Variants in ME3 observed in about 807,000 individuals in gnomAD.
ME3 encodes malic enzyme 3.
Under a neutral mutation model 68.9 loss-of-function variants are expected in ME3, and 48 were observed. That is an observed-to-expected ratio of 0.70 (90% confidence interval 0.55 to 0.89). The LOEUF is 0.89. Among genes scored for constraint, ME3 ranks in the 40% least tolerant of loss-of-function variants. ME3 has a pLI of 0.00. For synonymous variants in ME3, 320 were observed against 318.8 expected, an observed-to-expected ratio of 1.00 and a Z score of -0.04; for missense variants, 675 against 797.4, an observed-to-expected ratio of 0.85 and a Z score of 1.85.
chr11:86,481,082 C>T (rs1030927747), intron 7 of ME3, among the ~76,000 whole-genome samples: 8 of 152,082 alleles, frequency 5.3e-5, no homozygotes, highest in African/African-American at 1.9e-4. Flanking sequence ...CATTCTGTTG[C>T]CTAGGCTGGA....
At chr11:86,666,380 A>G (rs1220441971) in intron 2 of ME3, among the ~76,000 whole-genome samples, 1 of 152,208 alleles carries the variant, frequency 6.6e-6, no homozygotes, top group African/African-American at 2.4e-5. Context: ...CAAACCACAC[A>G]TCAACTCATG....
intron 4 of ME3, among the ~76,000 whole-genome samples, chr11:86,551,147 G>A (rs1956659164): frequency 1.3e-5 from 2 of 152,154 alleles, no homozygotes; most frequent in Admixed American, 6.5e-5. Flanking sequence ...GGGTGAGAGG[G>A]AAGAAGAGAT....
intron 6 of ME3, 123 bp downstream of exon 6, chr11:86,497,840 G>A (rs1425142370): frequency 8.6e-6 from 10 of 1,156,130 alleles, no homozygotes; most frequent in Non-Finnish European, 3.6e-6. Context: ...GCCCTGGTCG[G>A]GAGGATGCCA....
chr11:86,549,392 C>T (rs986597777), intron 4 of ME3, among the ~76,000 whole-genome samples: 2 of 152,166 alleles, frequency 1.3e-5, no homozygotes, highest in South Asian at 2.1e-4. Flanking sequence ...ACTTTCTGTT[C>T]CTTCTTAGCT....
chr11:86,624,868 G>A (rs769928977), intron 2 of ME3, among the ~76,000 whole-genome samples: 2 of 152,164 alleles, frequency 1.3e-5, no homozygotes, highest in Non-Finnish European at 2.9e-5. Flanking sequence ...TTTACTTGGA[G>A]AAGAACAGTA....
intron 10 of ME3, 35 bp downstream of exon 10, chr11:86,449,854 G>A (rs1949534411): frequency 9.9e-6 from 15 of 1,513,960 alleles, no homozygotes; most frequent in Non-Finnish European, 1.4e-5. Flanking sequence ...GCTATAAGGT[G>A]TCAGGAAACC....
In ME3 at chr11:86,442,760, C is replaced by T. The variant is rs1739945300; in HGVS notation, c.1653+61G>A. ...TCCATCCCCTTAACCCTCCTAAAGT[C>T]ACAGACAGAGAAAGTGGTTGAGCCT... On this transcript the variant is annotated intron_variant, in intron 14 of 14. Transcript: ENST00000543262. 73 of 1,408,596 alleles carry T rather than the reference C, an allele frequency of 5.2e-5. 1 individual carries two copies. The South Asian group carries it at 8.2e-4, about 16-fold the overall frequency. The allele number at this position is 1,408,596 out of a possible 1,614,324, so 87.3% of individuals were successfully genotyped here.
At chr11:86,537,703 A>C (rs1420681949) in intron 4 of ME3, among the ~76,000 whole-genome samples, 1 of 152,152 alleles carries the variant, frequency 6.6e-6, no homozygotes, top group Non-Finnish European at 1.5e-5. Context: ...GCCTCTTAGG[A>C]GGCAATTTCT....
chr11:86,628,349 A>G (rs755083348), intron 2 of ME3, among the ~76,000 whole-genome samples: 57 of 152,186 alleles, frequency 3.7e-4, no homozygotes, highest in Non-Finnish European at 5.1e-4. Context: ...GGGGCAGCAG[A>G]TATTTAAACA....
chr11:86,596,891 A>G (rs1959572840), intron 2 of ME3, among the ~76,000 whole-genome samples: 2 of 152,098 alleles, frequency 1.3e-5, no homozygotes, highest in Non-Finnish European at 2.9e-5. Context: ...GTCATAGATG[A>G]TGATGGGATG....
At chr11:86,530,198 T>A (rs1177416272) in intron 4 of ME3, among the ~76,000 whole-genome samples, 1 of 152,126 alleles carries the variant, frequency 6.6e-6, no homozygotes, top group Non-Finnish European at 1.5e-5. Context: ...AGCATTCTTA[T>A]ACACCAATAA....
At chr11:86,648,029 G>A (rs916778902) in intron 2 of ME3, among the ~76,000 whole-genome samples, 1 of 152,154 alleles carries the variant, frequency 6.6e-6, no homozygotes, top group African/African-American at 2.4e-5. Context: ...CTCAGCAAAT[G>A]CAAAAGAATG....
chr11:86,461,036 T>C (rs621653), intron 8 of ME3, among the ~76,000 whole-genome samples: 44,207 of 152,144 alleles, frequency 0.29, 6,942 homozygotes, highest in Non-Finnish European at 0.33. Flanking sequence ...GAGGGCAGGA[T>C]GACAGCAGCA....
intron 5 of ME3, among the ~76,000 whole-genome samples, chr11:86,502,881 A>T (rs1322373244): frequency 1.3e-5 from 2 of 152,072 alleles, no homozygotes; most frequent in African/African-American, 2.4e-5. Context: ...AATGGGACTG[A>T]CCCAATACTG....
At chr11:86,568,862 G>C (rs1957626796) in intron 2 of ME3, among the ~76,000 whole-genome samples, 1 of 152,196 alleles carries the variant, frequency 6.6e-6, no homozygotes. Flanking sequence ...TGTCATGTTA[G>C]GCACTGGGGA....
At chr11:86,623,023 G>T (rs1194595203) in intron 2 of ME3, among the ~76,000 whole-genome samples, 7 of 152,158 alleles carry the variant, frequency 4.6e-5, no homozygotes, top group Non-Finnish European at 2.9e-5. Context: ...TATTTGTGAT[G>T]GTTAGTTTTA....
At chr11:86,437,907 T>C (rs1948906445), downstream of ME3, among the ~76,000 whole-genome samples, 1 of 152,038 alleles carries the variant, frequency 6.6e-6, no homozygotes, top group Non-Finnish European at 1.5e-5. Context: ...GTTTTTTACA[T>C]GCAGGATTAG....
intron 2 of ME3, among the ~76,000 whole-genome samples, chr11:86,625,886 G>A (rs771921868): frequency 5.9e-5 from 9 of 152,114 alleles, no homozygotes; most frequent in African/African-American, 1.2e-4. Flanking sequence ...TCTCTGTATC[G>A]TTACCTGTAA....
chr11:86,638,728 G>A (rs1944493289), intron 2 of ME3, among the ~76,000 whole-genome samples: 1 of 152,162 alleles, frequency 6.6e-6, no homozygotes, highest in Admixed American at 6.5e-5. Context: ...AACCTTAGGA[G>A]GTTAGAACTG....
Sources: allele counts gnomAD v4.1 joint callset (sites outside exome capture counted in the v4.1 genomes callset), GRCh38; gene constraint gnomAD v4.1.1; transcripts MANE v1.5; gene names NCBI Gene and HGNC (gene_info 2026-07-23, HGNC 2026-07-21).